Variants in DMD observed in about 807,000 individuals in gnomAD.
DMD encodes the protein mutant dystrophin.
A neutral mutation model predicts 330.1 loss-of-function variants in DMD; 63 were observed. The ratio of observed to expected loss-of-function variants is 0.19; its 90% confidence interval spans 0.16 to 0.24. The LOEUF is 0.24. Ranked by LOEUF, DMD falls within the 10% of genes least tolerant of loss-of-function variation. The pLI, the probability that DMD is intolerant of heterozygous loss-of-function variation, is 1.00. For synonymous variants in DMD, 1,223 were observed against 959.8 expected (o/e 1.27, Z -5.07); for missense variants, 3,344 against 2,684.1 (o/e 1.25, Z -5.43).
intron 44 of DMD, among the ~76,000 whole-genome samples, chrX:32,167,362 A>G (rs2096872026): frequency 8.9e-6 from 1 of 112,083 alleles, no homozygotes; most frequent in Admixed American, 9.5e-5. Context: ...GAAGTCAAGT[A>G]CACTTTGAAA....
At chrX:33,180,013 T>G (rs1603392785) in intron 1 of DMD, among the ~76,000 whole-genome samples, 1 of 109,857 alleles carries the variant, frequency 9.1e-6, no homozygotes, top group African/African-American at 3.3e-5. Context: ...ATTTTGTATT[T>G]TTAGTAGAGA....
At chrX:33,160,117 A>G (rs753864819) in intron 1 of DMD, among the ~76,000 whole-genome samples, 1 of 112,010 alleles carries the variant, frequency 8.9e-6, no homozygotes, top group Non-Finnish European at 1.9e-5. Context: ...ATAGAATTTG[A>G]GTTAGATAAT....
At chrX:33,026,117 T>C (rs892562982) in intron 1 of DMD, among the ~76,000 whole-genome samples, 10 of 108,200 alleles carry the variant, frequency 9.2e-5, no homozygotes, top group Non-Finnish European at 1.9e-4. Context: ...GGGCGGATCA[T>C]GAGGTCAGGA....
intron 57 of DMD, among the ~76,000 whole-genome samples, chrX:31,492,305 A>G (rs1478530936): frequency 8.9e-6 from 1 of 112,190 alleles, no homozygotes; most frequent in Admixed American, 9.5e-5. Flanking sequence ...GAGATCTGAT[A>G]CGCAGATCCA....
At chrX:32,593,387 C>T (rs1307634929) in intron 13 of DMD, among the ~76,000 whole-genome samples, 2 of 112,356 alleles carry the variant, frequency 1.8e-5, no homozygotes, top group African/African-American at 6.5e-5. Context: ...CATTCTTTAA[C>T]ATTTGCTCAT....
intron 30 of DMD, among the ~76,000 whole-genome samples, chrX:32,394,398 C>T (rs1036123116): frequency 8.9e-6 from 1 of 111,827 alleles, no homozygotes; most frequent in African/African-American, 3.2e-5. Context: ...TGTTCTGAAC[C>T]TTGATTTTCT....
intron 2 of DMD, among the ~76,000 whole-genome samples, chrX:32,929,369 A>C (rs1182061436): frequency 9.1e-6 from 1 of 109,943 alleles, no homozygotes; most frequent in Non-Finnish European, 1.9e-5. Flanking sequence ...ACGTTTTTTG[A>C]TTTGAAGAAG....
At chrX:31,154,983 T>C (rs2037935667) in intron 74 of DMD, among the ~76,000 whole-genome samples, 1 of 112,095 alleles carries the variant, frequency 8.9e-6, no homozygotes, top group Non-Finnish European at 1.9e-5. Flanking sequence ...AATATGTAGA[T>C]ATATCTGATT....
chrX:31,588,693 A>C (rs2076723464), intron 55 of DMD, among the ~76,000 whole-genome samples: 1 of 110,639 alleles, frequency 9.0e-6, no homozygotes, highest in Admixed American at 9.7e-5. Context: ...TGATCTCTCT[A>C]TATTGTCATT....
chrX:33,206,615 G>A (rs1188736117), intron 1 of DMD, among the ~76,000 whole-genome samples: 3 of 111,844 alleles, frequency 2.7e-5, no homozygotes, highest in East Asian at 5.6e-4. Context: ...ACTACGCAAA[G>A]TCACCTTCAG....
chrX:31,468,993 C>A (rs2067092512), intron 59 of DMD, among the ~76,000 whole-genome samples: 1 of 109,603 alleles, frequency 9.1e-6, no homozygotes, highest in Non-Finnish European at 1.9e-5. Flanking sequence ...GCAACCCCTG[C>A]TTTTTTTTTC....
At chrX:33,038,467 G>T (rs2147906621) in intron 1 of DMD, among the ~76,000 whole-genome samples, 1 of 111,652 alleles carries the variant, frequency 9.0e-6, no homozygotes, top group East Asian at 2.8e-4. Context: ...TTAATCCTTT[G>T]CACTTAATGT....
chrX:32,085,648 A>ACATATATACGTATATATACGCG (rs1360350380), intron 44 of DMD, among the ~76,000 whole-genome samples: 9 of 71,621 alleles, frequency 1.3e-4, no homozygotes, highest in African/African-American at 4.2e-4. Context: ...ACGTATATAT[A>ACATATATACGTATATATACGCG]TGTGTGTATA....
chrX:32,602,039 G>A (rs1304715337), intron 12 of DMD, among the ~76,000 whole-genome samples: 2 of 112,015 alleles, frequency 1.8e-5, no homozygotes, highest in African/African-American at 6.5e-5. Context: ...GGAAGAGAAT[G>A]TGATTTTTGA....
In DMD at chrX:32,639,377, T is replaced by TA. The variant is rs1164504787; in HGVS notation, c.1331+4754dup. On this transcript the variant is annotated intron_variant, in intron 11 of 78. Coordinates refer to ENST00000357033, the MANE Select transcript of DMD (RefSeq NM_004006.3). ...CCATCCCAAGTGTATTCCACAGCAT[T>TA]AAAAAAAAAATCATTGGCTTACTCC... Among the ~76,000 whole-genome samples, 56 of 107,845 alleles carry TA rather than the reference T, an allele frequency of 5.2e-4. 1 individual carries two copies. Among genetic ancestry groups the TA allele is most frequent in the African/African-American group, 1.2e-3 (35 of 29,940 alleles). 93.7% of individuals were successfully genotyped at this position (107,845 alleles called of 115,157 possible).
intron 44 of DMD, among the ~76,000 whole-genome samples, chrX:32,050,638 T>C (rs1210250005): frequency 1.8e-5 from 2 of 111,501 alleles, no homozygotes; most frequent in Non-Finnish European, 3.8e-5. Context: ...TTATGTTCTA[T>C]AAGGAATGAT....
At chrX:31,202,092 A>G (rs1437287186) in intron 67 of DMD, among the ~76,000 whole-genome samples, 2 of 111,075 alleles carry the variant, frequency 1.8e-5, no homozygotes, top group Admixed American at 1.9e-4. Flanking sequence ...AGGCTGAGGC[A>G]TGACAATTGC....
intron 48 of DMD, among the ~76,000 whole-genome samples, chrX:31,845,086 G>C (rs771120877): frequency 9.7e-6 from 1 of 103,336 alleles, no homozygotes; most frequent in Admixed American, 1.0e-4. Context: ...GTATATATAT[G>C]TATATGTATG....
intron 12 of DMD, among the ~76,000 whole-genome samples, chrX:32,610,388 A>C (rs1202462896): frequency 1.8e-5 from 2 of 111,111 alleles, no homozygotes; most frequent in East Asian, 5.7e-4. Flanking sequence ...CAATTGCTTT[A>C]CCTTACCTAA....
Sources: allele counts gnomAD v4.1 joint callset (sites outside exome capture counted in the v4.1 genomes callset), GRCh38; gene constraint gnomAD v4.1.1; transcripts MANE v1.5; gene names NCBI Gene and HGNC (gene_info 2026-07-23, HGNC 2026-07-21).